NTM: variants seen among roughly 807,000 people sequenced by gnomAD.
NTM encodes the protein neurotrimin.
Under a neutral mutation model 42.1 loss-of-function variants are expected in NTM, and 13 were observed. That is an observed-to-expected ratio of 0.31 (90% CI 0.20 to 0.49). The LOEUF (loss-of-function observed/expected upper bound fraction) is 0.49, where lower values mean the gene tolerates loss of function less well. NTM is among the 20% of genes least tolerant of loss of function. NTM has a pLI of 0.99. For missense variants in NTM, 373 were observed against 452.8 expected, an observed-to-expected ratio of 0.82 and a Z score of 1.60; for synonymous variants, 187 against 179.2, an observed-to-expected ratio of 1.04 and a Z score of -0.35.
intron 1 of NTM, among the ~76,000 whole-genome samples, chr11:131,611,632 T>C (rs530861054): frequency 6.6e-6 from 1 of 152,202 alleles, no homozygotes; most frequent in African/African-American, 2.4e-5. Flanking sequence ...ATCACTCCTA[T>C]TGCTAATAGC....
intron 4 of NTM, among the ~76,000 whole-genome samples, chr11:132,270,545 A>T (rs1243187730): frequency 6.6e-6 from 1 of 152,126 alleles, no homozygotes; most frequent in African/African-American, 2.4e-5. Context: ...CCATATTTTT[A>T]AAAATCAGTT....
intron 2 of NTM, among the ~76,000 whole-genome samples, chr11:132,088,983 A>G (rs942428773): frequency 6.6e-6 from 1 of 152,194 alleles, no homozygotes; most frequent in African/African-American, 2.4e-5. Flanking sequence ...AGGAATGCCT[A>G]ATGATTTCCC....
At chr11:131,549,463 G>A (rs1271510958) in intron 1 of NTM, among the ~76,000 whole-genome samples, 1 of 152,164 alleles carries the variant, frequency 6.6e-6, no homozygotes, top group African/African-American at 2.4e-5. Flanking sequence ...TCAAAGGGTT[G>A]TCAACTGCCT....
intron 1 of NTM, chr11:131,877,651 T>C (rs1384954799): frequency 6.6e-6 from 1 of 152,264 alleles, no homozygotes; most frequent in East Asian, 1.9e-4. Context: ...ACTTATGGAA[T>C]AAATGGAATT....
intron 1 of NTM, among the ~76,000 whole-genome samples, chr11:131,624,597 A>T (rs1372369991): frequency 2.0e-5 from 3 of 152,160 alleles, no homozygotes; most frequent in African/African-American, 4.8e-5. Context: ...TGCCTTTGAC[A>T]GTAGGACTCA....
intron 2 of NTM, among the ~76,000 whole-genome samples, chr11:132,143,582 T>C (rs964808552): frequency 2.0e-5 from 3 of 152,188 alleles, no homozygotes; most frequent in African/African-American, 7.2e-5. Context: ...CCAACCAAGT[T>C]TGTGAGATGA....
At chr11:131,530,952 G>A (rs1164541868) in intron 1 of NTM, among the ~76,000 whole-genome samples, 1 of 152,206 alleles carries the variant, frequency 6.6e-6, no homozygotes, top group Non-Finnish European at 1.5e-5. Context: ...GGGATGACCA[G>A]TGAGCACAGA....
intron 1 of NTM, among the ~76,000 whole-genome samples, chr11:131,421,064 C>T (rs76665505): frequency 3.3e-5 from 5 of 152,218 alleles, no homozygotes; most frequent in Admixed American, 2.6e-4. Context: ...CAGGCCCCTG[C>T]GGGTGTGAGA....
intron 2 of NTM, among the ~76,000 whole-genome samples, chr11:132,051,366 A>G (rs1034187965): frequency 2.0e-5 from 3 of 152,198 alleles, no homozygotes; most frequent in Admixed American, 2.0e-4. Context: ...ACTCTGTGTT[A>G]AAGTCAGGGT....
At chr11:132,094,863 C>G (rs776017026) in intron 2 of NTM, among the ~76,000 whole-genome samples, 2 of 152,056 alleles carry the variant, frequency 1.3e-5, no homozygotes, top group Non-Finnish European at 2.9e-5. Flanking sequence ...ACTGCCTGCA[C>G]GTTCTGCTCC....
At chr11:131,587,262 C>T (rs1309213808) in intron 1 of NTM, among the ~76,000 whole-genome samples, 5 of 152,090 alleles carry the variant, frequency 3.3e-5, no homozygotes, top group Admixed American at 1.3e-4. Context: ...TCCTGGATAA[C>T]GTGGTGAAAC....
chr11:131,970,087 G>T (rs2134667601), intron 2 of NTM, among the ~76,000 whole-genome samples: 1 of 152,312 alleles, frequency 6.6e-6, no homozygotes, highest in South Asian at 2.1e-4. Flanking sequence ...TGAGATTACA[G>T]ATTTGAGCCA....
chr11:131,482,347 A>G (rs1444843555), intron 1 of NTM, among the ~76,000 whole-genome samples: 5 of 152,236 alleles, frequency 3.3e-5, no homozygotes, highest in Admixed American at 3.3e-4. Flanking sequence ...CACTCCAGCC[A>G]TCTGCTGAGC....
intron 4 of NTM, among the ~76,000 whole-genome samples, chr11:132,285,523 C>T (rs1264188713): frequency 2.0e-5 from 3 of 152,332 alleles, no homozygotes; most frequent in South Asian, 2.1e-4. Flanking sequence ...GCCTGAGGCA[C>T]ACTCCCTGCT....
intron 1 of NTM, among the ~76,000 whole-genome samples, chr11:131,876,554 A>G (rs1471976860): frequency 2.0e-5 from 3 of 152,252 alleles, no homozygotes; most frequent in African/African-American, 7.2e-5. Context: ...GAAGAATATC[A>G]TATGAGGCAT....
intron 1 of NTM, among the ~76,000 whole-genome samples, chr11:131,553,493 C>T (rs1231598260): frequency 6.6e-6 from 1 of 152,082 alleles, no homozygotes; most frequent in Non-Finnish European, 1.5e-5. Context: ...CAGCACCATC[C>T]CATTCTAGAA....
At chr11:132,074,407 A>G (rs1472129764) in intron 2 of NTM, among the ~76,000 whole-genome samples, 1 of 152,220 alleles carries the variant, frequency 6.6e-6, no homozygotes, top group Non-Finnish European at 1.5e-5. Flanking sequence ...TTATATCAGC[A>G]GCAAGGATTA....
chr11:131,969,308 G>A (rs1467632445), intron 2 of NTM, among the ~76,000 whole-genome samples: 1 of 152,172 alleles, frequency 6.6e-6, no homozygotes, highest in Non-Finnish European at 1.5e-5. Context: ...ATGAGAGCTG[G>A]AGGTGATCGA....
intron 3 of NTM, among the ~76,000 whole-genome samples, chr11:132,184,624 A>G (rs890580723): frequency 3.9e-5 from 6 of 152,128 alleles, no homozygotes; most frequent in Admixed American, 6.5e-5. Context: ...TCTTCCCTCA[A>G]TGGTTCAGAC....
Sources: allele counts gnomAD v4.1 joint callset (sites outside exome capture counted in the v4.1 genomes callset), GRCh38; gene constraint gnomAD v4.1.1; transcripts MANE v1.5; gene names NCBI Gene and HGNC (gene_info 2026-07-23, HGNC 2026-07-21).